The following CAMKMT variants were observed in gnomAD, a reference collection of about 807,000 sequenced individuals.
CAMKMT encodes CaM KMT.
Under a neutral mutation model 48.0 loss-of-function variants are expected in CAMKMT, and 53 were observed. The observed-to-expected ratio is 1.10, with a 90% CI of 0.89 to 1.39. The LOEUF (loss-of-function observed/expected upper bound fraction) is 1.39, where lower values mean the gene tolerates loss of function less well. Among genes scored for constraint, CAMKMT ranks in the 40% most tolerant of loss-of-function variants. CAMKMT has a pLI of 0.00. For missense variants in CAMKMT, 428 were observed against 402.7 expected (o/e 1.06, Z -0.54); for synonymous variants, 165 against 152.3 (o/e 1.08, Z -0.61).
At chr2:44,759,648 A>G (rs1440448810) in intron 9 of CAMKMT, among the ~76,000 whole-genome samples, 1 of 152,062 alleles carries the variant, frequency 6.6e-6, no homozygotes, top group African/African-American at 2.4e-5. Context: ...GTTAGCTCCT[A>G]CAGTTGTAGG....
At chr2:44,555,126 A>G (rs952218399) in intron 3 of CAMKMT, among the ~76,000 whole-genome samples, 1 of 152,190 alleles carries the variant, frequency 6.6e-6, no homozygotes, top group African/African-American at 2.4e-5. Flanking sequence ...CAGAAACCAT[A>G]TTACACAGTC....
intron 3 of CAMKMT, among the ~76,000 whole-genome samples, chr2:44,449,005 G>A (rs908874023): frequency 2.6e-5 from 4 of 152,098 alleles, no homozygotes; most frequent in Admixed American, 6.5e-5. Context: ...ACGGAATGGG[G>A]TTTCTTTTGG....
At chr2:44,600,079 A>C (rs1236181508) in intron 3 of CAMKMT, among the ~76,000 whole-genome samples, 1 of 152,128 alleles carries the variant, frequency 6.6e-6, no homozygotes, top group Non-Finnish European at 1.5e-5. Context: ...ATTTTCTTAG[A>C]AAGGCTGTTA....
intron 3 of CAMKMT, among the ~76,000 whole-genome samples, chr2:44,606,390 G>T (rs1359610278): frequency 6.6e-6 from 1 of 152,070 alleles, no homozygotes; most frequent in African/African-American, 2.4e-5. Context: ...CTAACATTTA[G>T]AGAGTCAAAG....
At chr2:44,733,124 G>A (rs139611347) in intron 7 of CAMKMT, among the ~76,000 whole-genome samples, 111 of 152,234 alleles carry the variant, frequency 7.3e-4, no homozygotes, top group African/African-American at 2.6e-3. Context: ...ATAGATTGAA[G>A]TTCTGTTTTT....
intron 3 of CAMKMT, among the ~76,000 whole-genome samples, chr2:44,392,384 G>T (rs1056551028): frequency 2.0e-5 from 3 of 151,874 alleles, no homozygotes; most frequent in African/African-American, 7.3e-5. Context: ...ATGATAAATT[G>T]GTAAAGTCCT....
chr2:44,531,017 T>G (rs184821301), intron 3 of CAMKMT, among the ~76,000 whole-genome samples: 2 of 152,128 alleles, frequency 1.3e-5, no homozygotes, highest in East Asian at 3.9e-4. Flanking sequence ...CATATATGTA[T>G]TAATAATTAA....
At chr2:44,410,696 G>A (rs1317074893) in intron 3 of CAMKMT, among the ~76,000 whole-genome samples, 1 of 152,102 alleles carries the variant, frequency 6.6e-6, no homozygotes, top group Non-Finnish European at 1.5e-5. Flanking sequence ...CTAAAAGACG[G>A]ATATAGTAAT....
At chr2:44,630,642 A>C (rs1256609200) in intron 3 of CAMKMT, among the ~76,000 whole-genome samples, 1 of 151,996 alleles carries the variant, frequency 6.6e-6, no homozygotes, top group Non-Finnish European at 1.5e-5. Context: ...AAACACATGA[A>C]AAAATGCTCA....
chr2:44,771,995 T>G (rs779609368), intron 10 of CAMKMT, 41 bp from the exon 11 acceptor site: 2 of 1,354,412 alleles, frequency 1.5e-6, no homozygotes, highest in Non-Finnish European at 2.1e-6. Context: ...AGATCCCTAA[T>G]TGGAGTCCCC....
chr2:44,431,985 G>T (rs1282402624), intron 3 of CAMKMT, among the ~76,000 whole-genome samples: 1 of 152,132 alleles, frequency 6.6e-6, no homozygotes, highest in East Asian at 1.9e-4. Context: ...CTCAGGTATA[G>T]GCAGAAAACC....
rs562754884 is a variant in CAMKMT, at chr2:44,516,469, CT to C, written c.376+126172del. Among the ~76,000 whole-genome samples, 59 of 151,852 alleles carry C rather than the reference CT, an allele frequency of 3.9e-4. 1 individual carries two copies. In the South Asian group the frequency reaches 0.012, roughly 31 times the overall value. ...TAGTGAATATAACTAAGGGAAGCTT[CT>C]TTTTTTTCCCAAATGTTAAAAAATT... On this transcript the variant is annotated intron_variant, in intron 3 of 10. Transcript: ENST00000378494.
chr2:44,462,181 A>G (rs1318667659), intron 3 of CAMKMT, among the ~76,000 whole-genome samples: 1 of 152,188 alleles, frequency 6.6e-6, no homozygotes, highest in Non-Finnish European at 1.5e-5. Flanking sequence ...AATATAATAC[A>G]CAGGACAACT....
At position 44,536,791 on chromosome 2, in the gene CAMKMT, G is replaced by A. The variant is rs115289533; in HGVS notation, c.376+146486G>A. 8.3e-4 allele frequency among the ~76,000 whole-genome samples: 127 copies of A among 152,168 alleles called. 1 individual carries two copies. The highest frequency in any genetic ancestry group is 3.0e-3 in the African/African-American group (123 of 41,526). On this transcript the variant is annotated intron_variant, in intron 3 of 10. Transcript: ENST00000378494. ...TTACAAGGATATAGTAACCCAAACA[G>A]CATGGTATCAGTATAAAAATTGACG...
intron 3 of CAMKMT, among the ~76,000 whole-genome samples, chr2:44,636,151 A>G (rs894005941): frequency 1.3e-4 from 20 of 152,206 alleles, no homozygotes; most frequent in African/African-American, 4.6e-4. Context: ...TATACCTGGA[A>G]GTGGAGAAAT....
chr2:44,509,114 T>G (rs1056198964), intron 3 of CAMKMT, among the ~76,000 whole-genome samples: 2 of 144,164 alleles, frequency 1.4e-5, no homozygotes, highest in African/African-American at 5.0e-5. Flanking sequence ...AAAAATTATA[T>G]GTCTTAAATT....
chr2:44,406,996 C>T (rs1010173817), intron 3 of CAMKMT, among the ~76,000 whole-genome samples: 2 of 152,154 alleles, frequency 1.3e-5, no homozygotes, highest in African/African-American at 4.8e-5. Flanking sequence ...GGATTCCAGA[C>T]ATCGTGTGTA....
Position 44,707,430 on chromosome 2 carries a change from T to C in CAMKMT, c.524T>C (p.Leu175Pro). The change falls in exon 6 of 11, where the codon CTG (leucine) becomes CCG (proline). Residue 175 changes from leucine to proline, a missense_variant. Coordinates refer to ENST00000378494, the MANE Select transcript of CAMKMT (RefSeq NM_024766.5). ...VAISADVKEV[L>P]LTDGNEKAIR... ...ATTTCTGCAGATGTCAAAGAAGTTCTGTTAACTGATGGGAATGAAAAGGCC... is the reference window on the plus strand; with the variant it reads ...ATTTCTGCAGATGTCAAAGAAGTTCCGTTAACTGATGGGAATGAAAAGGCC... The C allele has an allele frequency of 6.2e-7, 1 of 1,612,840 alleles. No individual in the cohort carries two copies.
chr2:44,528,715 TC>T (rs1186726775), intron 3 of CAMKMT, among the ~76,000 whole-genome samples: 5 of 152,168 alleles, frequency 3.3e-5, no homozygotes, highest in African/African-American at 1.2e-4. Flanking sequence ...TTGCTTCTTC[TC>T]CCTTGCTTCT....
Sources: gnomAD v4.1 joint callset for allele counts (sites outside exome capture counted in the v4.1 genomes callset) on GRCh38, gnomAD v4.1.1 for gene constraint, MANE v1.5 for transcripts, NCBI Gene and HGNC (gene_info 2026-07-23, HGNC 2026-07-21) for gene names.